The following NKAIN2 variants were observed in gnomAD, a reference collection of about 807,000 sequenced individuals.
The protein encoded by NKAIN2 is sodium/potassium-transporting ATPase subunit beta-1-interacting protein 2.
Under a neutral mutation model 32.6 loss-of-function variants are expected in NKAIN2, and 14 were observed. The observed-to-expected ratio is 0.43, with a 90% CI of 0.28 to 0.67. The LOEUF (loss-of-function observed/expected upper bound fraction) is 0.67, where lower values mean the gene tolerates loss of function less well. Among genes scored for constraint, NKAIN2 ranks in the 30% least tolerant of loss-of-function variants. NKAIN2 has a pLI of 0.17. For missense variants in NKAIN2, 198 were observed against 258.3 expected (o/e 0.77, Z 1.60); for synonymous variants, 80 against 87.2 (o/e 0.92, Z 0.46).
chr6:124,726,516 C>T (rs1682835360), intron 4 of NKAIN2, among the ~76,000 whole-genome samples: 1 of 150,890 alleles, frequency 6.6e-6, no homozygotes, highest in Non-Finnish European at 1.5e-5. Flanking sequence ...AGAAGGAAAA[C>T]TAACAAACAG....
At chr6:124,147,795 A>G (rs992906079) in intron 1 of NKAIN2, among the ~76,000 whole-genome samples, 1 of 152,142 alleles carries the variant, frequency 6.6e-6, no homozygotes, top group Non-Finnish European at 1.5e-5. Flanking sequence ...TTAATTGGCC[A>G]TTGCTTGCAC....
At chr6:124,716,203 A>G (rs1775744784) in intron 4 of NKAIN2, among the ~76,000 whole-genome samples, 1 of 152,212 alleles carries the variant, frequency 6.6e-6, no homozygotes, top group South Asian at 2.1e-4. Context: ...TAATTTTTAG[A>G]TAATAGACAT....
At chr6:124,369,145 A>G (rs1364211779) in intron 3 of NKAIN2, among the ~76,000 whole-genome samples, 1 of 152,128 alleles carries the variant, frequency 6.6e-6, no homozygotes, top group Non-Finnish European at 1.5e-5. Context: ...AAATATGAAC[A>G]TGACGTAAGC....
At chr6:124,352,488 G>A (rs1458488306) in intron 2 of NKAIN2, among the ~76,000 whole-genome samples, 2 of 152,144 alleles carry the variant, frequency 1.3e-5, no homozygotes, top group African/African-American at 2.4e-5. Context: ...AAAAGCTTCA[G>A]CATTGACATT....
At chr6:124,480,183 CTTTTTTAT>C (rs976193113) in intron 3 of NKAIN2, among the ~76,000 whole-genome samples, 6 of 152,170 alleles carry the variant, frequency 3.9e-5, no homozygotes, top group Middle Eastern at 3.4e-3. Context: ...TAATAAAATT[CTTTTTTAT>C]TTTTTTATTT....
intron 3 of NKAIN2, among the ~76,000 whole-genome samples, chr6:124,454,105 TTG>T (rs141523699): frequency 0.42 from 54,325 of 130,308 alleles, 12,611 homozygotes; most frequent in South Asian, 0.57. Flanking sequence ...GGTTTTTTTT[TTG>T]GGGGGGGGGG....
At chr6:124,690,484 G>A (rs1032835251) in intron 4 of NKAIN2, among the ~76,000 whole-genome samples, 2 of 152,076 alleles carry the variant, frequency 1.3e-5, no homozygotes, top group Non-Finnish European at 2.9e-5. Flanking sequence ...TTGAAAAGAA[G>A]TGTTGAAAGG....
intron 1 of NKAIN2, among the ~76,000 whole-genome samples, chr6:123,894,329 GC>G (rs1774169540): frequency 6.6e-6 from 1 of 152,216 alleles, no homozygotes; most frequent in East Asian, 1.9e-4. Context: ...TCAGATCCTA[GC>G]CTTCTGAATC....
At chr6:123,829,658 T>A (rs1181268385) in intron 1 of NKAIN2, among the ~76,000 whole-genome samples, 1 of 152,214 alleles carries the variant, frequency 6.6e-6, no homozygotes. Context: ...CCCAGCTAAA[T>A]GCAGAGGGGT....
In NKAIN2 at chr6:124,223,348, G is replaced by T. The variant is rs938593575; in HGVS notation, c.55-59657G>T. Among the ~76,000 whole-genome samples the T allele has an allele frequency of 4.9e-4, 74 of 151,136 alleles. 1 individual carries two copies. Among genetic ancestry groups the T allele is most frequent in the Non-Finnish European group, 5.9e-5 (4 of 67,934 alleles). On this transcript the variant is annotated intron_variant, in intron 1 of 6. Coordinates refer to ENST00000368417, the MANE Select transcript of NKAIN2 (RefSeq NM_001040214.3). Reference sequence around the variant, plus strand: ...AGGCATGTTTGTATGCTAATGGAAAGATCCAATGAATAGGAAAATAATTGA... The same window carrying T: ...AGGCATGTTTGTATGCTAATGGAAATATCCAATGAATAGGAAAATAATTGA...
intron 4 of NKAIN2, 194 bp downstream of exon 4, chr6:124,658,580 G>A (rs1377640576): frequency 1.5e-5 from 20 of 1,337,256 alleles, no homozygotes; most frequent in African/African-American, 8.9e-5. Flanking sequence ...GATTTTCTTC[G>A]ACAATTAGTA....
At chr6:124,417,617 G>A (rs1255443649) in intron 3 of NKAIN2, among the ~76,000 whole-genome samples, 5 of 152,078 alleles carry the variant, frequency 3.3e-5, no homozygotes. Context: ...TACCATAATT[G>A]AGATTAAAAA....
chr6:124,329,707 A>G (rs1453833372), intron 2 of NKAIN2, among the ~76,000 whole-genome samples: 1 of 152,194 alleles, frequency 6.6e-6, no homozygotes, highest in Admixed American at 6.5e-5. Flanking sequence ...ATCATCTCCA[A>G]GTTAGCACCT....
At chr6:124,515,535 C>A (rs1778874008) in intron 3 of NKAIN2, among the ~76,000 whole-genome samples, 1 of 151,966 alleles carries the variant, frequency 6.6e-6, no homozygotes, top group South Asian at 2.1e-4. Context: ...AATGAGAACA[C>A]ACTCACCAGC....
At chr6:124,558,948 TCAAA>T (rs3053603) in intron 3 of NKAIN2, among the ~76,000 whole-genome samples, 7,899 of 150,104 alleles carry the variant, frequency 0.053, 294 homozygotes, top group Non-Finnish European at 0.086. Flanking sequence ...AAACTCCATC[TCAAA>T]CAAACAAACA....
intron 1 of NKAIN2, among the ~76,000 whole-genome samples, chr6:124,188,874 C>T (rs1375838463): frequency 6.6e-6 from 1 of 152,156 alleles, no homozygotes; most frequent in South Asian, 2.1e-4. Context: ...TTAATAGTTA[C>T]AGAAAATCTC....
At chr6:124,301,839 C>G (rs1331546865) in intron 2 of NKAIN2, among the ~76,000 whole-genome samples, 1 of 152,156 alleles carries the variant, frequency 6.6e-6, no homozygotes, top group Non-Finnish European at 1.5e-5. Context: ...TTTACAGGCT[C>G]ATAGGCAGAA....
chr6:123,830,275 G>C (rs549796498), intron 1 of NKAIN2, among the ~76,000 whole-genome samples: 1 of 152,202 alleles, frequency 6.6e-6, no homozygotes, highest in African/African-American at 2.4e-5. Flanking sequence ...GCCAAAGTGA[G>C]CATTTAAAAT....
intron 5 of NKAIN2, among the ~76,000 whole-genome samples, chr6:124,814,924 A>G (rs1238971524): frequency 2.0e-5 from 3 of 152,050 alleles, no homozygotes; most frequent in Admixed American, 2.0e-4. Flanking sequence ...AATAATAATA[A>G]CAACAGCAGC....
Sources: gnomAD v4.1 joint callset for allele counts (sites outside exome capture counted in the v4.1 genomes callset) on GRCh38, gnomAD v4.1.1 for gene constraint, MANE v1.5 for transcripts, NCBI Gene and HGNC (gene_info 2026-07-23, HGNC 2026-07-21) for gene names.